The following GRIK1 variants were observed in gnomAD, a reference collection of about 807,000 sequenced individuals.
GRIK1 encodes glutamate receptor ionotropic, kainate 1.
Under a neutral mutation model 105.7 loss-of-function variants are expected in GRIK1, and 69 were observed. That is an observed-to-expected ratio of 0.65 (90% CI 0.54 to 0.80). The LOEUF (loss-of-function observed/expected upper bound fraction) is 0.80, where lower values mean the gene tolerates loss of function less well. Among genes scored for constraint, GRIK1 ranks in the 30% least tolerant of loss-of-function variants. The pLI is 0.00. For synonymous variants in GRIK1, 438 were observed against 431.3 expected (o/e 1.02, Z -0.19); for missense variants, 1,109 against 1,167.3 (o/e 0.95, Z 0.73).
intron 1 of GRIK1, among the ~76,000 whole-genome samples, chr21:29,791,210 G>A (rs913329927): frequency 3.3e-5 from 5 of 152,116 alleles, no homozygotes; most frequent in African/African-American, 1.2e-4. Flanking sequence ...GGTAAGGGAC[G>A]AGAAATTTAT....
At chr21:29,755,967 T>C (rs1308959240) in intron 1 of GRIK1, among the ~76,000 whole-genome samples, 3 of 152,186 alleles carry the variant, frequency 2.0e-5, no homozygotes, top group African/African-American at 7.2e-5. Context: ...ATTGAGGCCA[T>C]GGTTATTAAG....
chr21:29,567,492 T>G (rs1162372740), intron 14 of GRIK1, among the ~76,000 whole-genome samples: 1 of 152,154 alleles, frequency 6.6e-6, no homozygotes, highest in Non-Finnish European at 1.5e-5. Flanking sequence ...TTTATGTATG[T>G]TTTTACTCTA....
intron 7 of GRIK1, among the ~76,000 whole-genome samples, chr21:29,599,298 G>C (rs2061473961): frequency 6.6e-6 from 1 of 152,196 alleles, no homozygotes; most frequent in Non-Finnish European, 1.5e-5. Flanking sequence ...ATATGGCTGA[G>C]TGGAAGTGAG....
chr21:29,910,978 AT>A (rs1385752893), intron 1 of GRIK1, among the ~76,000 whole-genome samples: 1 of 151,956 alleles, frequency 6.6e-6, no homozygotes, highest in African/African-American at 2.4e-5. Flanking sequence ...CATTATTTTG[AT>A]TATTATTTTA....
intron 1 of GRIK1, among the ~76,000 whole-genome samples, chr21:29,697,690 T>A (rs2063730329): frequency 6.6e-6 from 1 of 152,126 alleles, no homozygotes; most frequent in Non-Finnish European, 1.5e-5. Flanking sequence ...ACCTCACATG[T>A]GGGCAGACTG....
intron 1 of GRIK1, among the ~76,000 whole-genome samples, chr21:29,713,361 G>T (rs2064103150): frequency 6.6e-6 from 1 of 151,986 alleles, no homozygotes; most frequent in African/African-American, 2.4e-5. Context: ...AACCATAGTT[G>T]TAATTGATAT....
chr21:29,559,847 A>G (rs1369904930), intron 15 of GRIK1, among the ~76,000 whole-genome samples: 1 of 152,126 alleles, frequency 6.6e-6, no homozygotes, highest in African/African-American at 2.4e-5. Flanking sequence ...ATATTCCACA[A>G]TCTTGTTCTC....
chr21:29,577,580 C>T (rs547569591), intron 13 of GRIK1, among the ~76,000 whole-genome samples: 291 of 152,228 alleles, frequency 1.9e-3, no homozygotes, highest in African/African-American at 6.8e-3. Context: ...ATTTGAAATG[C>T]TAACATTTTT....
At chr21:29,786,902 G>GAAT (rs2066275426) in intron 1 of GRIK1, among the ~76,000 whole-genome samples, 1 of 152,006 alleles carries the variant, frequency 6.6e-6, no homozygotes, top group East Asian at 1.9e-4. Context: ...TTGATGGATA[G>GAAT]CCTTGCTTTG....
intron 1 of GRIK1, among the ~76,000 whole-genome samples, chr21:29,937,179 A>G (rs2071788544): frequency 6.6e-6 from 1 of 152,200 alleles, no homozygotes; most frequent in South Asian, 2.1e-4. Context: ...GACTGACACA[A>G]GAAAGTCACT....
intron 1 of GRIK1, among the ~76,000 whole-genome samples, chr21:29,735,022 C>A (rs768447422): frequency 2.0e-5 from 3 of 152,184 alleles, no homozygotes; most frequent in African/African-American, 4.8e-5. Context: ...AGAGCACACT[C>A]AAAAACTCTA....
At chr21:29,732,759 C>T (rs2064669834) in intron 1 of GRIK1, among the ~76,000 whole-genome samples, 1 of 152,098 alleles carries the variant, frequency 6.6e-6, no homozygotes, top group Non-Finnish European at 1.5e-5. Flanking sequence ...TTATTTGCCT[C>T]ACTCGATTTT....
chr21:29,793,201 G>GACCTAGCA (rs2066471145), intron 1 of GRIK1, among the ~76,000 whole-genome samples: 1 of 152,310 alleles, frequency 6.6e-6, no homozygotes, highest in African/African-American at 2.4e-5. Context: ...GCAATATAGG[G>GACCTAGCA]TGTCTACGAG....
At chr21:29,553,787 A>G in intron 16 of GRIK1, 3 of 969,560 alleles carry the variant, frequency 3.1e-6, no homozygotes, top group East Asian at 4.9e-5. Flanking sequence ...GAAAATTTAC[A>G]TCACATGAAG....
chr21:29,620,241 G>A (rs975936689), intron 7 of GRIK1, among the ~76,000 whole-genome samples: 2 of 152,176 alleles, frequency 1.3e-5, no homozygotes, highest in African/African-American at 4.8e-5. Flanking sequence ...GCAAGTATCA[G>A]CTCTGCAGTT....
chr21:29,886,486 A>G (rs1378184050), intron 1 of GRIK1, among the ~76,000 whole-genome samples: 1 of 152,094 alleles, frequency 6.6e-6, no homozygotes, highest in Non-Finnish European at 1.5e-5. Context: ...ATTCCAACAC[A>G]CTTATTATAA....
chr21:29,724,354 A>ATTT (rs2064399478), intron 1 of GRIK1, among the ~76,000 whole-genome samples: 1 of 151,844 alleles, frequency 6.6e-6, no homozygotes, highest in Non-Finnish European at 1.5e-5. Context: ...CTGAGATACG[A>ATTT]TTGTTGGGCA....
intron 7 of GRIK1, among the ~76,000 whole-genome samples, chr21:29,637,726 G>A (rs896589982): frequency 6.6e-6 from 1 of 152,198 alleles, no homozygotes; most frequent in Non-Finnish European, 1.5e-5. Flanking sequence ...TGACTAGTAA[G>A]TTTCTGCTGT....
chr21:29,545,264 C>T (rs1170383838), intron 16 of GRIK1, among the ~76,000 whole-genome samples: 1 of 152,196 alleles, frequency 6.6e-6, no homozygotes, highest in Non-Finnish European at 1.5e-5. Flanking sequence ...TGGAAGTAAG[C>T]AGCTCTTCTT....
Sources: allele counts gnomAD v4.1 joint callset (sites outside exome capture counted in the v4.1 genomes callset), GRCh38; gene constraint gnomAD v4.1.1; transcripts MANE v1.5; gene names NCBI Gene and HGNC (gene_info 2026-07-23, HGNC 2026-07-21).